Variants in LOXHD1 observed in about 807,000 individuals in gnomAD.
LOXHD1 encodes lipoxygenase homology domain-containing protein 1.
Under a neutral mutation model 248.2 loss-of-function variants are expected in LOXHD1, and 205 were observed. That is an observed-to-expected ratio of 0.83 (90% CI 0.74 to 0.93). The LOEUF is 0.93. Ranked by LOEUF, LOXHD1 falls within the 40% of genes least tolerant of loss-of-function variation. The probability of loss-of-function intolerance (pLI) is 0.00; values close to 1 mark genes in which losing one functional copy is unlikely to be tolerated. For synonymous variants in LOXHD1, 1,113 were observed against 1,162.8 expected, an observed-to-expected ratio of 0.96 and a Z score of 0.87; for missense variants, 2,930 against 2,971.6, an observed-to-expected ratio of 0.99 and a Z score of 0.33.
chr18:46,637,122 G>A (rs62097135), intron 4 of LOXHD1, among the ~76,000 whole-genome samples: 1 of 152,004 alleles, frequency 6.6e-6, no homozygotes, highest in African/African-American at 2.4e-5. Flanking sequence ...CTCCAGCCTG[G>A]GCAACAAGAG....
At chr18:46,506,318 C>G (rs148311762) in intron 36 of LOXHD1, among the ~76,000 whole-genome samples, 117 of 152,342 alleles carry the variant, frequency 7.7e-4, no homozygotes, top group African/African-American at 2.7e-3. Flanking sequence ...TATACCCAAA[C>G]TTAAAAGGCG....
At chr18:46,523,264 A>G (rs1424953089) in intron 31 of LOXHD1, among the ~76,000 whole-genome samples, 1 of 152,172 alleles carries the variant, frequency 6.6e-6, no homozygotes, top group Non-Finnish European at 1.5e-5. Flanking sequence ...CTTCTTTAAA[A>G]GGTCTGACTC....
chr18:46,553,601 T>C (rs1443605664), intron 21 of LOXHD1, among the ~76,000 whole-genome samples: 5 of 152,248 alleles, frequency 3.3e-5, no homozygotes, highest in African/African-American at 1.2e-4. Context: ...ATGCCTGTAG[T>C]GTGCCAGACA....
chr18:46,480,924 T>TA (rs1598804598), intron 40 of LOXHD1, among the ~76,000 whole-genome samples: 1 of 152,170 alleles, frequency 6.6e-6, no homozygotes, highest in African/African-American at 2.4e-5. Flanking sequence ...TGTTTTCAGT[T>TA]AAAAAATAAG....
chr18:46,618,476 G>A lies in LOXHD1; in HGVS notation c.512-186C>T, dbSNP rs1242054814. 2.6e-5 allele frequency among the ~76,000 whole-genome samples: 4 copies of A among 152,176 alleles called. No homozygotes were observed. In the South Asian group the frequency reaches 6.2e-4, roughly 24 times the overall value. On this transcript the variant is annotated intron_variant, in intron 4 of 40. Coordinates refer to ENST00000642948, the MANE Select transcript of LOXHD1 (RefSeq NM_001384474.1). ...GTTCCAAATGGTCATTGCATGAATT[G>A]TCATCATTACTGTCAACAACAGAGC... is the stretch of plus-strand genomic sequence containing the variant.
At chr18:46,648,244 C>T (rs890649753) in intron 2 of LOXHD1, among the ~76,000 whole-genome samples, 6 of 151,940 alleles carry the variant, frequency 3.9e-5, no homozygotes, top group African/African-American at 9.7e-5. Context: ...GGCGACAGAG[C>T]GAGACTCCAT....
intron 4 of LOXHD1, among the ~76,000 whole-genome samples, chr18:46,619,050 C>G (rs970151185): frequency 6.6e-6 from 1 of 152,156 alleles, no homozygotes; most frequent in Non-Finnish European, 1.5e-5. Context: ...GTCTCCCCAG[C>G]TGGAGCCTGC....
chr18:46,650,490 A>G (rs1421978260), intron 1 of LOXHD1, among the ~76,000 whole-genome samples: 1 of 152,226 alleles, frequency 6.6e-6, no homozygotes, highest in Non-Finnish European at 1.5e-5. Context: ...AAGGGCTTAC[A>G]TGTATGATTG....
chr18:46,522,041 C>A, intron 32 of LOXHD1, 60 bp downstream of exon 32: 3 of 1,244,730 alleles, frequency 2.4e-6, no homozygotes, highest in Non-Finnish European at 2.2e-6. Flanking sequence ...CACCCAGGAA[C>A]TGGTCAGCTC....
At chr18:46,616,392 G>T (rs1047362892) in intron 5 of LOXHD1, among the ~76,000 whole-genome samples, 2 of 152,156 alleles carry the variant, frequency 1.3e-5, no homozygotes, top group Non-Finnish European at 2.9e-5. Context: ...ATCAGCAGGG[G>T]CCAAGACCCT....
chr18:46,548,917 C>T (rs1324444951), intron 21 of LOXHD1, among the ~76,000 whole-genome samples: 1 of 152,172 alleles, frequency 6.6e-6, no homozygotes, highest in Non-Finnish European at 1.5e-5. Flanking sequence ...ACTTTAAAGC[C>T]CCTCAGCATG....
Position 46,579,560 on chromosome 18 carries a change from G to A in LOXHD1, c.1809+70C>T, listed in dbSNP as rs566968112. 555 of 1,542,292 alleles carry A rather than the reference G, an allele frequency of 3.6e-4. 5 individuals are homozygous for A. In the South Asian group the frequency reaches 5.0e-3, roughly 14 times the overall value. ...GCATCAGCTCAACTTTAACAGGGCA[G>A]GGAAGACGAGGGAACATGGGAAGGG... On this transcript the variant is annotated intron_variant, in intron 13 of 40. Coordinates refer to ENST00000642948, the MANE Select transcript of LOXHD1 (RefSeq NM_001384474.1).
rs201576880 is a variant in LOXHD1 at position 46,546,960 on chromosome 18, T to C, written c.3449A>G (p.Gln1150Arg). 2.1e-4 allele frequency: 324 copies of C among 1,551,742 alleles called. No homozygotes were observed. In the African/African-American group the frequency reaches 2.8e-3, roughly 13 times the overall value. The change falls in exon 22 of 41, where the codon CAG becomes CGG. Residue 1150 changes from glutamine to arginine, a missense_variant. Transcript: ENST00000642948. The part of the protein sequence containing the change: ...LPVDESYVLP[Q>R]SEEGRGGGDN... ...ACCGCCTCCCCTACCCTCCTCGCTC[T>C]GTGGCAGCACATAGGACTCATCCAC...
chr18:46,477,031 T>C, downstream of LOXHD1: 1 of 624,032 alleles, frequency 1.6e-6, no homozygotes, highest in Non-Finnish European at 2.9e-6. Flanking sequence ...AGCAAGCAGA[T>C]GCTAAGATGA....
chr18:46,497,768 G>A (rs539117672), intron 37 of LOXHD1, among the ~76,000 whole-genome samples: 1 of 152,294 alleles, frequency 6.6e-6, no homozygotes, highest in East Asian at 1.9e-4. Flanking sequence ...AAAAGAGACA[G>A]AATACACATG....
At chr18:46,529,046 A>T (rs2035945932) in intron 29 of LOXHD1, 131 bp downstream of exon 29, 1 of 1,117,146 alleles carries the variant, frequency 9.0e-7, no homozygotes, top group East Asian at 2.6e-5. Context: ...GGGCAAGGGC[A>T]GAGGCCCAAA....
At chr18:46,532,570 A>T (rs2036119542) in intron 28 of LOXHD1, among the ~76,000 whole-genome samples, 1 of 145,952 alleles carries the variant, frequency 6.9e-6, no homozygotes, top group African/African-American at 2.6e-5. Flanking sequence ...GCAAAGGAGG[A>T]GGAAGTACAA....
intron 37 of LOXHD1, among the ~76,000 whole-genome samples, chr18:46,499,429 C>T (rs1042196127): frequency 1.6e-4 from 25 of 151,954 alleles, no homozygotes; most frequent in African/African-American, 5.6e-4. Flanking sequence ...TAAATAAGGG[C>T]TGAAATGAAA....
At chr18:46,568,938 G>A (rs1452721743) in intron 16 of LOXHD1, among the ~76,000 whole-genome samples, 3 of 152,120 alleles carry the variant, frequency 2.0e-5, no homozygotes, top group Non-Finnish European at 2.9e-5. Context: ...GAGGCTCTTG[G>A]GTTCCATCTC....
Sources: allele counts gnomAD v4.1 joint callset (sites outside exome capture counted in the v4.1 genomes callset), GRCh38; gene constraint gnomAD v4.1.1; transcripts MANE v1.5; gene names NCBI Gene and HGNC (gene_info 2026-07-23, HGNC 2026-07-21).